Variants in TACR3 observed in about 807,000 individuals in gnomAD.
TACR3 encodes the protein neuromedin-K receptor.
A neutral mutation model predicts 35.0 loss-of-function variants in TACR3; 34 were observed. The observed-to-expected ratio is 0.97, with a 90% CI of 0.74 to 1.30. The LOEUF is 1.30. Among genes scored for constraint, TACR3 ranks in the 50% most tolerant of loss-of-function variants. The pLI is 0.00. For synonymous variants in TACR3, 233 were observed against 221.1 expected, an observed-to-expected ratio of 1.05 and a Z score of -0.48; for missense variants, 558 against 591.7, an observed-to-expected ratio of 0.94 and a Z score of 0.59.
chr4:103,618,282 A>T (rs1724703155), intron 3 of TACR3, among the ~76,000 whole-genome samples: 1 of 152,262 alleles, frequency 6.6e-6, no homozygotes, highest in Admixed American at 6.5e-5. Context: ...TCCAGCTTCA[A>T]TCTTCTGCAT....
chr4:103,607,994 G>A (rs1241255292), intron 3 of TACR3, among the ~76,000 whole-genome samples: 5 of 152,130 alleles, frequency 3.3e-5, no homozygotes, highest in Admixed American at 3.3e-4. Context: ...CAGAGTACCT[G>A]TGGTGGAATT....
At chr4:103,606,916 G>C (rs534498341) in intron 3 of TACR3, among the ~76,000 whole-genome samples, 47 of 152,240 alleles carry the variant, frequency 3.1e-4, no homozygotes, top group African/African-American at 1.1e-3. Context: ...CAAAGGGAAT[G>C]CTTCCAGTTT....
At chr4:103,636,765 A>G (rs1340849211) in intron 3 of TACR3, among the ~76,000 whole-genome samples, 2 of 152,106 alleles carry the variant, frequency 1.3e-5, no homozygotes, top group Non-Finnish European at 2.9e-5. Context: ...TATCATCACC[A>G]ATCCCACAGA....
chr4:103,621,150 T>C (rs970476499), intron 3 of TACR3, among the ~76,000 whole-genome samples: 51 of 152,322 alleles, frequency 3.3e-4, no homozygotes, highest in African/African-American at 1.2e-3. Flanking sequence ...AGTGGAGATA[T>C]TGAAGAGTCC....
rs61322849 is a variant in TACR3, at chr4:103,627,708, C to A, written c.888+28486G>T. On this transcript the variant is annotated intron_variant, in intron 3 of 4. Transcript: ENST00000304883. ...ACAATAATAATGGGAAACTTTAACA[C>A]CCCACTGTCAATATTAGACAGATCA... 4.0e-4 allele frequency among the ~76,000 whole-genome samples: 61 copies of A among 151,048 alleles called. No individual in the cohort carries two copies. The Middle Eastern group carries it at 0.014, about 34-fold the overall frequency.
rs1489293181 is a variant in TACR3 at position 103,670,742 on chromosome 4, A to C, written c.549-12339T>G. ...AGTGGAGTCTTTAGGTTTTCTAAAT[A>C]TAAGATCATATCGTTTACAAACAAG... is the stretch of plus-strand genomic sequence containing the variant. On this transcript the variant is annotated intron_variant, in intron 1 of 4. Transcript: ENST00000304883. 1.2e-4 allele frequency among the ~76,000 whole-genome samples: 18 copies of C among 152,174 alleles called. No homozygotes were observed. In the East Asian group the frequency reaches 2.9e-3, roughly 24 times the overall value.
intron 1 of TACR3, among the ~76,000 whole-genome samples, chr4:103,711,509 T>G (rs1267628923): frequency 6.6e-6 from 1 of 152,140 alleles, no homozygotes; most frequent in African/African-American, 2.4e-5. Flanking sequence ...TAATAAGAGG[T>G]ATTTATGACA....
intron 1 of TACR3, among the ~76,000 whole-genome samples, chr4:103,682,185 T>C (rs1346536013): frequency 6.6e-6 from 1 of 152,154 alleles, no homozygotes; most frequent in Non-Finnish European, 1.5e-5. Context: ...CAGGCTGTAG[T>C]GCATTGTGCA....
At chr4:103,643,835 G>A (rs943598879) in intron 3 of TACR3, among the ~76,000 whole-genome samples, 3 of 151,726 alleles carry the variant, frequency 2.0e-5, no homozygotes, top group Non-Finnish European at 2.9e-5. Flanking sequence ...AGAAATTCAT[G>A]ATGCCTGAAC....
intron 3 of TACR3, among the ~76,000 whole-genome samples, chr4:103,629,293 A>T (rs1724987103): frequency 6.6e-6 from 1 of 152,152 alleles, no homozygotes; most frequent in Non-Finnish European, 1.5e-5. Flanking sequence ...TGGACAGGGC[A>T]ATCAGGCAGG....
intron 3 of TACR3, among the ~76,000 whole-genome samples, chr4:103,595,283 G>A (rs1723981108): frequency 6.6e-6 from 1 of 152,092 alleles, no homozygotes; most frequent in South Asian, 2.1e-4. Flanking sequence ...GACAATCTGG[G>A]ACAGAGAAGG....
At chr4:103,670,182 T>G (rs1473051867) in intron 1 of TACR3, among the ~76,000 whole-genome samples, 1 of 152,108 alleles carries the variant, frequency 6.6e-6, no homozygotes, top group Non-Finnish European at 1.5e-5. Context: ...TTCTGTTCCA[T>G]TCGTCTATGT....
At position 103,587,276 on chromosome 4, in the gene TACR3, T is replaced by C. The variant is rs899374097; in HGVS notation, c.*2406A>G. 1 of 151,522 alleles carries C rather than the reference T, an allele frequency of 6.6e-6. No individual in the cohort carries two copies. The highest frequency in any genetic ancestry group is 1.5e-5 in the Non-Finnish European group (1 of 68,006). The allele number at this position is 151,522 out of a possible 1,614,324, so 9.4% of individuals were successfully genotyped here. On this transcript the variant is annotated 3_prime_UTR_variant, in exon 5 of 5. Transcript: ENST00000304883. ...TTTCACTCTTGTTTTATTATTGTCG[T>C]TTAAATTTTTGAACTTAAAAAATTC...
chr4:103,707,505 G>A (rs368000200), intron 1 of TACR3, among the ~76,000 whole-genome samples: 74 of 152,128 alleles, frequency 4.9e-4, no homozygotes, highest in Middle Eastern at 3.4e-3. Flanking sequence ...TAATTCAGAA[G>A]AAAATCAATA....
At chr4:103,703,827 G>A (rs1439611030) in intron 1 of TACR3, among the ~76,000 whole-genome samples, 1 of 152,006 alleles carries the variant, frequency 6.6e-6, no homozygotes, top group Non-Finnish European at 1.5e-5. Flanking sequence ...ATGGCCGGCC[G>A]TGGTGGCTCA....
intron 3 of TACR3, among the ~76,000 whole-genome samples, chr4:103,605,874 G>A (rs1232756938): frequency 5.3e-5 from 8 of 152,152 alleles, no homozygotes; most frequent in Admixed American, 2.6e-4. Context: ...ATGGCTTTTG[G>A]TGTTTTAGAC....
At position 103,587,720 on chromosome 4, in the gene TACR3, T is replaced by C. The variant is rs1463683551; in HGVS notation, c.*1962A>G. 6.6e-6 allele frequency: 1 copy of C among 152,098 alleles called. No homozygotes were observed. The highest frequency in any genetic ancestry group is 2.4e-5 in the African/African-American group (1 of 41,440). The allele number at this position is 152,098 out of a possible 1,614,324, so 9.4% of individuals were successfully genotyped here. A position where few individuals can be genotyped will look rare whatever the true frequency, so the allele number is the denominator to read the frequency against. On this transcript the variant is annotated 3_prime_UTR_variant, in exon 5 of 5. Coordinates refer to ENST00000304883, the MANE Select transcript of TACR3 (RefSeq NM_001059.3). ...CATAAATTTAAGAAAATAATAACTT[T>C]TTACATATTAGGCTTTTTCTTGACA...
intron 3 of TACR3, among the ~76,000 whole-genome samples, chr4:103,653,756 A>G (rs1251322236): frequency 6.6e-6 from 1 of 152,080 alleles, no homozygotes; most frequent in African/African-American, 2.4e-5. Context: ...CAGAGTGAAC[A>G]GGCAACCCAC....
intron 3 of TACR3, among the ~76,000 whole-genome samples, chr4:103,637,395 A>T (rs1725217595): frequency 6.6e-6 from 1 of 152,170 alleles, no homozygotes; most frequent in Admixed American, 6.5e-5. Flanking sequence ...GCAACCCTTC[A>T]TGCTAAAAAC....
Sources: gnomAD v4.1 joint callset for allele counts (sites outside exome capture counted in the v4.1 genomes callset) on GRCh38, gnomAD v4.1.1 for gene constraint, MANE v1.5 for transcripts, NCBI Gene and HGNC (gene_info 2026-07-23, HGNC 2026-07-21) for gene names.